POLQ: variants seen among roughly 807,000 people sequenced by gnomAD.
POLQ encodes DNA polymerase theta.
POLQ carries 233 observed loss-of-function variants against 259.2 expected under a neutral mutation model. The ratio of observed to expected loss-of-function variants is 0.90; its 90% CI spans 0.81 to 1.00. The LOEUF (loss-of-function observed/expected upper bound fraction) is 1.00, where lower values mean the gene tolerates loss of function less well. Among genes scored for constraint, POLQ ranks in the 50% least tolerant of loss-of-function variants. The pLI is 0.00. For synonymous variants in POLQ, 1,025 were observed against 1,048.8 expected, an observed-to-expected ratio of 0.98 and a Z score of 0.44; for missense variants, 2,871 against 3,051.6, an observed-to-expected ratio of 0.94 and a Z score of 1.39.
At chr3:121,476,779 G>T in intron 19 of POLQ, 46 bp from the exon 20 acceptor site, 1 of 1,309,448 alleles carries the variant, frequency 7.6e-7, no homozygotes, top group Non-Finnish European at 1.1e-6. Context: ...TGGCTAAGTG[G>T]CTAGATCAGC....
chr3:121,474,170 C>A (rs1269618941), intron 20 of POLQ, among the ~76,000 whole-genome samples: 1 of 152,184 alleles, frequency 6.6e-6, no homozygotes, highest in Middle Eastern at 3.2e-3. Context: ...CCCCATAGAT[C>A]AACATGGAAG....
intron 28 of POLQ, among the ~76,000 whole-genome samples, chr3:121,435,672 C>T (rs2047537870): frequency 6.6e-6 from 1 of 152,050 alleles, no homozygotes; most frequent in Admixed American, 6.6e-5. Flanking sequence ...ACAGAGTTTC[C>T]CAAAGAGGGT....
chr3:121,432,200 C>A lies in POLQ; in HGVS notation c.*104G>T. On this transcript the variant is annotated 3_prime_UTR_variant, in exon 30 of 30. Transcript: ENST00000264233. ...AATTACTAGGCTAAGTCTATCAAGA[C>A]TTGAAAGTTTGTTTTGCTGAGGTAG... 9.4e-7 allele frequency: 1 copy of A among 1,064,032 alleles called. No homozygotes were observed. Among genetic ancestry groups the A allele is most frequent in the South Asian group, 2.0e-5 (1 of 51,222 alleles). 65.9% of individuals were successfully genotyped at this position (1,064,032 alleles called of 1,614,324 possible).
intron 21 of POLQ, among the ~76,000 whole-genome samples, chr3:121,473,002 T>G (rs1456945157): frequency 6.6e-6 from 1 of 152,118 alleles, no homozygotes; most frequent in African/African-American, 2.4e-5. Context: ...GGCGGGAGGA[T>G]CCCTTGAGGT....
chr3:121,537,175 C>A lies in POLQ; in HGVS notation c.665G>T (p.Gly222Val), dbSNP rs765217789. Residue 222 changes from glycine to valine, a missense_variant, in exon 5 of 30, where the codon GGA becomes GTA. By Grantham distance (109) the Gly-to-Val change is moderately radical. This residue lies in a region of POLQ where 783 missense variants were observed against 906.2 expected (regional missense o/e 0.86). Transcript: ENST00000264233. ...MVVVDELHML[G>V]DSHRGYLLEL... ...CAGCAGATACCCTCGGTGAGAGTCT[C>A]CCAGCATATGTAATTCATCCACAAC... 1.2e-6 allele frequency: 2 copies of A among 1,603,558 alleles called. No individual in the cohort carries two copies. The highest frequency in any genetic ancestry group is 1.7e-6 in the Non-Finnish European group (2 of 1,170,840).
chr3:121,517,204 G>C (rs1212396975), intron 9 of POLQ, among the ~76,000 whole-genome samples: 1 of 152,172 alleles, frequency 6.6e-6, no homozygotes, highest in Non-Finnish European at 1.5e-5. Context: ...ATTGGGGATG[G>C]ACAGAGGTAG....
At chr3:121,441,211 A>G (rs1330689267) in intron 26 of POLQ, among the ~76,000 whole-genome samples, 2 of 152,200 alleles carry the variant, frequency 1.3e-5, no homozygotes, top group East Asian at 1.9e-4. Context: ...CCAAACTCCT[A>G]TAGGAGACCT....
intron 12 of POLQ, among the ~76,000 whole-genome samples, chr3:121,509,322 T>A (rs1023756599): frequency 6.6e-6 from 1 of 152,206 alleles, no homozygotes; most frequent in South Asian, 2.1e-4. Flanking sequence ...ATATTTTTTA[T>A]AAAACAACTC....
intron 24 of POLQ, among the ~76,000 whole-genome samples, chr3:121,465,378 C>A (rs1272080018): frequency 1.3e-5 from 2 of 152,148 alleles, no homozygotes; most frequent in Middle Eastern, 3.2e-3. Context: ...AGGTGTGAGC[C>A]ACCATGCCTT....
chr3:121,434,985 C>A (rs966276645), intron 28 of POLQ, among the ~76,000 whole-genome samples: 3 of 152,054 alleles, frequency 2.0e-5, no homozygotes, highest in Non-Finnish European at 4.4e-5. Flanking sequence ...GGTGAAACCC[C>A]CTCTCTACTA....
intron 17 of POLQ, 73 bp from the exon 18 acceptor site, chr3:121,483,655 T>C (rs1361780122): frequency 6.9e-6 from 8 of 1,161,132 alleles, no homozygotes; most frequent in Non-Finnish European, 8.3e-6. Context: ...GAAGCAGCAA[T>C]CTTTAGTAGA....
chr3:121,459,383 T>TTTG (rs1560089430), intron 25 of POLQ, among the ~76,000 whole-genome samples: 1 of 146,938 alleles, frequency 6.8e-6, no homozygotes, highest in East Asian at 2.0e-4. Flanking sequence ...TTTTTTTTTT[T>TTTG]TTTTTTTTTG....
In POLQ at chr3:121,533,185, C is replaced by T. The variant is rs1232208084; in HGVS notation, c.765G>A (p.Leu255=). The T allele has an allele frequency of 1.9e-6, 3 of 1,607,346 alleles. No individual in the cohort carries two copies. Among genetic ancestry groups the T allele is most frequent in the Non-Finnish European group, 2.5e-6 (3 of 1,176,786 alleles). Reference sequence around the variant, plus strand: ...TGCCAACGATTTGCACAGCATTAGACAGAGAACTGGCTAGATCTGCCTGAC... The same window carrying T: ...TGCCAACGATTTGCACAGCATTAGATAGAGAACTGGCTAGATCTGCCTGAC... ...ASCQADLASS[L]SNAVQIVGMS... is the part of the protein sequence containing the mutation. Residue 255 remains leucine, a synonymous_variant, in exon 6 of 30, where the codon CTG becomes CTA. Transcript: ENST00000264233.
chr3:121,464,333 G>A (rs1426427096), intron 24 of POLQ, among the ~76,000 whole-genome samples: 1 of 152,068 alleles, frequency 6.6e-6, no homozygotes, highest in African/African-American at 2.4e-5. Context: ...AGGAGTTCCA[G>A]ACCAGCCTGG....
intron 25 of POLQ, among the ~76,000 whole-genome samples, chr3:121,458,858 C>G (rs2047766231): frequency 6.6e-6 from 1 of 152,140 alleles, no homozygotes; most frequent in Non-Finnish European, 1.5e-5. Context: ...GAAGACCACC[C>G]TGGGCGACAA....
chr3:121,470,014 A>C (rs1235324920), intron 22 of POLQ, among the ~76,000 whole-genome samples: 1 of 152,162 alleles, frequency 6.6e-6, no homozygotes, highest in African/African-American at 2.4e-5. Flanking sequence ...ACCATTGAAA[A>C]TTCTAGGTTG....
intron 26 of POLQ, among the ~76,000 whole-genome samples, chr3:121,441,311 G>A (rs1344366486): frequency 1.3e-5 from 2 of 152,030 alleles, no homozygotes; most frequent in Non-Finnish European, 2.9e-5. Context: ...GCTTTAAACA[G>A]CTTGAGGCAT....
chr3:121,473,299 G>A (rs2047899784), intron 21 of POLQ, 51 bp downstream of exon 21: 1 of 1,485,300 alleles, frequency 6.7e-7, no homozygotes, highest in South Asian at 1.3e-5. Context: ...ACACCAAAAT[G>A]TTAAAAGTAG....
chr3:121,474,134 T>C (rs191158629), intron 20 of POLQ, among the ~76,000 whole-genome samples: 91 of 152,356 alleles, frequency 6.0e-4, no homozygotes, highest in Non-Finnish European at 8.2e-4. Flanking sequence ...TGAGCTCTCC[T>C]AAATGAGGCT....
Sources: gnomAD v4.1 joint callset for allele counts (sites outside exome capture counted in the v4.1 genomes callset) on GRCh38, gnomAD v4.1.1 for gene constraint, gnomAD v4.1.1 regional missense constraint, MANE v1.5 for transcripts, NCBI Gene and HGNC (gene_info 2026-07-23, HGNC 2026-07-21) for gene names.